The following ARAP2 variants were observed in gnomAD, a reference collection of about 807,000 sequenced individuals.
The protein encoded by ARAP2 is arf-GAP with Rho-GAP domain, ANK repeat and PH domain-containing protein 2.
ARAP2 carries 148 observed loss-of-function variants against 194.5 expected under a neutral mutation model. The observed-to-expected ratio is 0.76, with a 90% CI of 0.67 to 0.87. ARAP2 has a LOEUF of 0.87. Ranked by LOEUF, ARAP2 falls within the 40% of genes least tolerant of loss-of-function variation. ARAP2 has a pLI of 0.00. For synonymous variants in ARAP2, 695 were observed against 683.5 expected (o/e 1.02, Z -0.26); for missense variants, 2,128 against 1,989.7 (o/e 1.07, Z -1.32).
intron 9 of ARAP2, among the ~76,000 whole-genome samples, chr4:36,167,618 A>G (rs1366255714): frequency 6.6e-6 from 1 of 152,120 alleles, no homozygotes; most frequent in African/African-American, 2.4e-5. Context: ...CAAAAGCATT[A>G]CTTGTCTTAG....
intron 9 of ARAP2, among the ~76,000 whole-genome samples, chr4:36,167,814 A>G (rs987309430): frequency 6.6e-6 from 1 of 152,204 alleles, no homozygotes; most frequent in South Asian, 2.1e-4. Flanking sequence ...CAGACTCTGC[A>G]TTCTAAAAGC....
rs769639367 is a variant in ARAP2, at chr4:36,083,452, T to C, written c.4426-2A>G. The C allele has an allele frequency of 6.4e-7, 1 of 1,565,950 alleles. No homozygotes were observed. Among genetic ancestry groups the C allele is most frequent in the Non-Finnish European group, 8.6e-7 (1 of 1,157,142 alleles). ...AAACATCTTGTCATGTTTACTACTC[T>C]GTAAGGTAAAAAAATAATTTGTAAT... On this transcript the variant is annotated splice_acceptor_variant, in intron 28 of 32. Coordinates refer to ENST00000303965, the MANE Select transcript of ARAP2 (RefSeq NM_015230.4). LOFTEE classifies it high-confidence loss of function.
At chr4:36,170,527 T>C (rs1283264312) in intron 9 of ARAP2, among the ~76,000 whole-genome samples, 1 of 152,148 alleles carries the variant, frequency 6.6e-6, no homozygotes, top group Admixed American at 6.5e-5. Context: ...GACTATCAAT[T>C]TCAAATAAGC....
intron 17 of ARAP2, among the ~76,000 whole-genome samples, chr4:36,148,084 T>C (rs1296230937): frequency 6.6e-6 from 1 of 152,162 alleles, no homozygotes; most frequent in Non-Finnish European, 1.5e-5. Context: ...CTTTTCTCCT[T>C]TGTGTATACC....
intron 10 of ARAP2, among the ~76,000 whole-genome samples, chr4:36,165,442 T>G (rs930431028): frequency 6.6e-5 from 10 of 152,174 alleles, no homozygotes; most frequent in African/African-American, 2.4e-4. Flanking sequence ...TAATCATCAA[T>G]AAGAGGTTTT....
At chr4:36,098,055 C>CA (rs11327252) in intron 27 of ARAP2, among the ~76,000 whole-genome samples, 3 of 151,142 alleles carry the variant, frequency 2.0e-5, no homozygotes, top group Admixed American at 1.3e-4. Flanking sequence ...CTCGCACCTC[C>CA]AAAAAAAAAA....
chr4:36,046,550 T>G lies in ARAP2; in HGVS notation n.509+160A>C, dbSNP rs1577651218. ...AATTTTAATGGGCATAAAATTCCTA[T>G]ATGGATGTTAAAAAAAGTTCTAATG... On this transcript the variant is annotated intron_variant and non_coding_transcript_variant, in intron 4 of 12. Coordinates refer to the ARAP2 transcript ENST00000503225. 2.0e-5 allele frequency among the ~76,000 whole-genome samples: 3 copies of G among 152,202 alleles called. No homozygotes were observed. In the East Asian group the frequency reaches 5.8e-4, roughly 29 times the overall value.
chr4:36,187,426 C>A, intron 8 of ARAP2, 25 bp downstream of exon 8: 1 of 1,277,694 alleles, frequency 7.8e-7, no homozygotes, highest in Non-Finnish European at 1.1e-6. Flanking sequence ...TAATGTATTT[C>A]ATATGGATAA....
At chr4:36,147,040 A>T (rs1179458528) in intron 19 of ARAP2, among the ~76,000 whole-genome samples, 1 of 152,136 alleles carries the variant, frequency 6.6e-6, no homozygotes, top group African/African-American at 2.4e-5. Flanking sequence ...AATGTCACAG[A>T]GGAATCTAGG....
At chr4:36,106,166 G>A (rs1485854746) in intron 27 of ARAP2, among the ~76,000 whole-genome samples, 1 of 151,856 alleles carries the variant, frequency 6.6e-6, no homozygotes, top group African/African-American at 2.4e-5. Context: ...AGGGGAGGGA[G>A]GGGAAATCAT....
At position 36,210,404 on chromosome 4, in the gene ARAP2, T is replaced by G; in HGVS notation, c.1473A>C (p.Lys491Asn). 6.2e-7 allele frequency: 1 copy of G among 1,610,200 alleles called. No homozygotes were observed. The highest frequency in any genetic ancestry group is 8.5e-7 in the Non-Finnish European group (1 of 1,178,332). ...AKKVKSGWLDKLSPQGKRMFQ... is the reference protein window; with the variant it reads ...AKKVKSGWLDNLSPQGKRMFQ... The stretch of plus-strand genomic sequence containing the variant: ...TACGTACATACCCTTGAGGAGAGAG[T>G]TTATCCAGCCATCCTGATTTAACCT... The change falls in exon 6 of 33, where the codon AAA becomes AAC. Residue 491 changes from lysine to asparagine, a missense_variant. By Grantham distance (94) the Lys-to-Asn change is moderately conservative. Transcript: ENST00000303965.
chr4:36,154,292 T>C (rs1040649319), intron 15 of ARAP2, among the ~76,000 whole-genome samples: 4 of 152,202 alleles, frequency 2.6e-5, no homozygotes, highest in African/African-American at 9.6e-5. Flanking sequence ...GTAATCCTTT[T>C]CATTTAAAAT....
downstream of ARAP2, among the ~76,000 whole-genome samples, chr4:36,064,033 AT>A (rs1724923249): frequency 6.6e-6 from 1 of 152,248 alleles, no homozygotes; most frequent in South Asian, 2.1e-4. Context: ...TGCTTCAATT[AT>A]TTTTGTTTGA....
chr4:36,102,165 G>A (rs934321611), intron 27 of ARAP2, among the ~76,000 whole-genome samples: 2 of 151,894 alleles, frequency 1.3e-5, no homozygotes, highest in African/African-American at 4.8e-5. Flanking sequence ...TAGGTATTTA[G>A]TTCCCTTCTA....
intron 24 of ARAP2, among the ~76,000 whole-genome samples, chr4:36,118,694 C>T (rs1484904225): frequency 3.3e-5 from 5 of 151,252 alleles, no homozygotes; most frequent in Admixed American, 2.6e-4. Context: ...ACTTCCTCCC[C>T]GCTCCCAAAA....
intron 5 of ARAP2, 69 bp downstream of exon 5, chr4:36,212,324 TAAG>T: frequency 7.7e-7 from 1 of 1,290,364 alleles, no homozygotes; most frequent in Non-Finnish European, 1.1e-6. Context: ...AATATTATAC[TAAG>T]AATGAGAAGT....
At chr4:36,114,892 C>T (rs1322682421) in intron 25 of ARAP2, among the ~76,000 whole-genome samples, 3 of 152,000 alleles carry the variant, frequency 2.0e-5, no homozygotes, top group African/African-American at 7.2e-5. Context: ...TGTATAAGCA[C>T]ATCACCTCTT....
At position 36,214,492 on chromosome 4, in the gene ARAP2, A is replaced by T. The variant is rs78599785; in HGVS notation, c.906-12T>A. On this transcript the variant is annotated splice_polypyrimidine_tract_variant and intron_variant, in intron 2 of 32. Transcript: ENST00000303965. ...TTTCACGGAAATAGCTTAAAAAGCA[A>T]AGGAGAAAATACTTATGAGTGAAAA... is the stretch of plus-strand genomic sequence containing the variant. 139,676 of 1,583,792 alleles carry T rather than the reference A, an allele frequency of 0.088. 7,026 individuals are homozygous for T. The highest frequency in any genetic ancestry group is 0.15 in the Admixed American group (8,867 of 58,644).
chr4:36,122,051 C>T (rs540921600), intron 22 of ARAP2, among the ~76,000 whole-genome samples: 1 of 151,408 alleles, frequency 6.6e-6, no homozygotes, highest in South Asian at 2.1e-4. Context: ...AAAATAAACC[C>T]ACAATGAGAT....
Sources: allele counts gnomAD v4.1 joint callset (sites outside exome capture counted in the v4.1 genomes callset), GRCh38; gene constraint gnomAD v4.1.1; transcripts MANE v1.5; gene names NCBI Gene and HGNC (gene_info 2026-07-23, HGNC 2026-07-21).